Variants in COG5 observed in about 807,000 individuals in gnomAD.
The protein encoded by COG5 is component of oligomeric golgi complex 5.
In COG5, 86 loss-of-function variants were observed where a neutral mutation model predicts 110.4. The ratio of observed to expected loss-of-function variants is 0.78; its 90% CI spans 0.65 to 0.93. The LOEUF is 0.93. Ranked by LOEUF, COG5 falls within the 40% of genes least tolerant of loss-of-function variation. The pLI is 0.00. For missense variants in COG5, 1,077 were observed against 987.0 expected (o/e 1.09, Z -1.22); for synonymous variants, 360 against 334.6 (o/e 1.08, Z -0.83).
chr7:107,221,303 A>G (rs910568646), intron 19 of COG5, among the ~76,000 whole-genome samples: 7 of 152,190 alleles, frequency 4.6e-5, no homozygotes, highest in African/African-American at 1.7e-4. Context: ...TCAGCCCTAT[A>G]TGACAGTCCT....
chr7:107,511,432 G>C (rs6968441), intron 6 of COG5, among the ~76,000 whole-genome samples: 63,514 of 151,898 alleles, frequency 0.42, 13,655 homozygotes, highest in Non-Finnish European at 0.47. Context: ...AAGTCCAGGA[G>C]CAGATGGATT....
At chr7:107,400,900 T>C (rs1791375174) in intron 7 of COG5, among the ~76,000 whole-genome samples, 1 of 152,046 alleles carries the variant, frequency 6.6e-6, no homozygotes, top group African/African-American at 2.4e-5. Flanking sequence ...AGAAATGCCG[T>C]ATGGTAATTG....
chr7:107,487,369 T>G (rs1176450286), intron 6 of COG5, among the ~76,000 whole-genome samples: 1 of 152,062 alleles, frequency 6.6e-6, no homozygotes, highest in African/African-American at 2.4e-5. Flanking sequence ...GGCAAACAAT[T>G]TTTAATTTTT....
At chr7:107,420,398 C>T (rs1399255654) in intron 6 of COG5, among the ~76,000 whole-genome samples, 5 of 152,212 alleles carry the variant, frequency 3.3e-5, no homozygotes, top group Admixed American at 6.5e-5. Context: ...AAGAAGCACC[C>T]GGAAGAACAT....
intron 11 of COG5, among the ~76,000 whole-genome samples, chr7:107,311,321 C>A (rs1016639108): frequency 5.6e-5 from 8 of 143,120 alleles, no homozygotes; most frequent in Non-Finnish European, 1.5e-5. Context: ...TAATGTCTCT[C>A]TGTACGTTCT....
At chr7:107,464,226 C>T (rs1413312434) in intron 6 of COG5, among the ~76,000 whole-genome samples, 1 of 152,162 alleles carries the variant, frequency 6.6e-6, no homozygotes. Context: ...ACTTAGTCTA[C>T]CCAAAGCTCC....
At chr7:107,233,430 C>G (rs566549910) in intron 18 of COG5, among the ~76,000 whole-genome samples, 4 of 152,300 alleles carry the variant, frequency 2.6e-5, no homozygotes, top group African/African-American at 9.6e-5. Context: ...CAGGTACTTC[C>G]CTCACCATGA....
intron 12 of COG5, among the ~76,000 whole-genome samples, chr7:107,289,919 G>A (rs1806023691): frequency 6.6e-6 from 1 of 152,162 alleles, no homozygotes; most frequent in African/African-American, 2.4e-5. Context: ...TGGAAATTGA[G>A]TTATGCAAAA....
intron 6 of COG5, among the ~76,000 whole-genome samples, chr7:107,443,482 A>T (rs1039751687): frequency 1.3e-5 from 2 of 151,984 alleles, no homozygotes; most frequent in African/African-American, 4.8e-5. Flanking sequence ...AAGCCATTGA[A>T]TTGCACAAGT....
intron 6 of COG5, among the ~76,000 whole-genome samples, chr7:107,501,489 T>C (rs1412076028): frequency 6.6e-6 from 1 of 152,044 alleles, no homozygotes; most frequent in East Asian, 1.9e-4. Flanking sequence ...TGCTTGCAAC[T>C]TTAAAATGTA....
At chr7:107,429,977 A>T (rs1349721347) in intron 6 of COG5, among the ~76,000 whole-genome samples, 1 of 152,120 alleles carries the variant, frequency 6.6e-6, no homozygotes, top group Non-Finnish European at 1.5e-5. Flanking sequence ...TTTGAGTTGT[A>T]AGGGTCCTTT....
At chr7:107,344,141 C>T (rs1022758282) in intron 10 of COG5, among the ~76,000 whole-genome samples, 7 of 152,192 alleles carry the variant, frequency 4.6e-5, no homozygotes, top group African/African-American at 4.8e-5. Flanking sequence ...CGCTCTCTAA[C>T]TATGAAAGTC....
At chr7:107,518,821 T>TA (rs1431818287) in intron 6 of COG5, among the ~76,000 whole-genome samples, 1 of 152,246 alleles carries the variant, frequency 6.6e-6, no homozygotes, top group African/African-American at 2.4e-5. Flanking sequence ...AACAGCCATC[T>TA]ACAGAACTCT....
chr7:107,315,890 A>G (rs1264757889), intron 11 of COG5, among the ~76,000 whole-genome samples: 1 of 152,196 alleles, frequency 6.6e-6, no homozygotes, highest in African/African-American at 2.4e-5. Flanking sequence ...CCTAAGGTGA[A>G]ATATTAATGG....
intron 6 of COG5, among the ~76,000 whole-genome samples, chr7:107,510,921 A>T (rs1283451568): frequency 6.6e-6 from 1 of 152,354 alleles, no homozygotes; most frequent in East Asian, 1.9e-4. Context: ...TTATAGCACT[A>T]AATGCCCACA....
chr7:107,452,179 A>C (rs1795381368), intron 6 of COG5, among the ~76,000 whole-genome samples: 1 of 152,164 alleles, frequency 6.6e-6, no homozygotes, highest in African/African-American at 2.4e-5. Context: ...CTTGCCTGGC[A>C]TACTGGACTT....
chr7:107,555,496 G>A (rs73419450), intron 2 of COG5, among the ~76,000 whole-genome samples: 3,549 of 152,160 alleles, frequency 0.023, 147 homozygotes, highest in African/African-American at 0.08. Flanking sequence ...TGGTCACCTC[G>A]GTCTTTTATT....
At chr7:107,350,461 G>A (rs1381095625) in intron 10 of COG5, among the ~76,000 whole-genome samples, 1 of 152,028 alleles carries the variant, frequency 6.6e-6, no homozygotes, top group Non-Finnish European at 1.5e-5. Flanking sequence ...ATATTTTAAA[G>A]TATTTCATTT....
At chr7:107,205,144 A>G (rs552812236) in intron 21 of COG5, among the ~76,000 whole-genome samples, 2 of 152,254 alleles carry the variant, frequency 1.3e-5, no homozygotes, top group South Asian at 4.2e-4. Context: ...AGTCTTCCAT[A>G]TTATAGCAAG....
Sources: gnomAD v4.1 joint callset for allele counts (sites outside exome capture counted in the v4.1 genomes callset) on GRCh38, gnomAD v4.1.1 for gene constraint, MANE v1.5 for transcripts, NCBI Gene and HGNC (gene_info 2026-07-23, HGNC 2026-07-21) for gene names.